NKAIN2: variants seen among roughly 807,000 people sequenced by gnomAD.
NKAIN2 encodes the protein sodium/potassium-transporting ATPase subunit beta-1-interacting protein 2.
In NKAIN2, 14 loss-of-function variants were observed where a neutral mutation model predicts 32.6. That is an observed-to-expected ratio of 0.43 (90% CI 0.28 to 0.67). The LOEUF is 0.67. NKAIN2 is among the 30% of genes least tolerant of loss of function. The pLI is 0.17. For missense variants in NKAIN2, 198 were observed against 258.3 expected, an observed-to-expected ratio of 0.77 and a Z score of 1.60; for synonymous variants, 80 against 87.2, an observed-to-expected ratio of 0.92 and a Z score of 0.46.
chr6:123,905,606 T>C (rs1317719003), intron 1 of NKAIN2, among the ~76,000 whole-genome samples: 2 of 152,146 alleles, frequency 1.3e-5, no homozygotes, highest in Non-Finnish European at 2.9e-5. Flanking sequence ...CTAGTTCTAA[T>C]GTACCTAATG....
At chr6:124,737,514 A>G (rs1289700711) in intron 4 of NKAIN2, among the ~76,000 whole-genome samples, 1 of 151,810 alleles carries the variant, frequency 6.6e-6, no homozygotes, top group Non-Finnish European at 1.5e-5. Context: ...GTAAACTGGT[A>G]CCGGGAGTGC....
chr6:124,751,529 G>A (rs534177125), intron 4 of NKAIN2, among the ~76,000 whole-genome samples: 1 of 151,944 alleles, frequency 6.6e-6, no homozygotes, highest in African/African-American at 2.4e-5. Context: ...TGAAAAATAG[G>A]GTAGTTACAG....
At chr6:124,127,797 C>G (rs939790775) in intron 1 of NKAIN2, among the ~76,000 whole-genome samples, 1 of 151,848 alleles carries the variant, frequency 6.6e-6, no homozygotes, top group Admixed American at 6.6e-5. Context: ...ACAGAAGGCC[C>G]CATCAGGAGA....
intron 1 of NKAIN2, among the ~76,000 whole-genome samples, chr6:124,060,462 G>A (rs763016642): frequency 1.3e-5 from 2 of 152,120 alleles, no homozygotes; most frequent in African/African-American, 2.4e-5. Context: ...AAAAGCACAG[G>A]TTGGGGCAGT....
intron 1 of NKAIN2, among the ~76,000 whole-genome samples, chr6:124,061,106 A>C (rs1782901725): frequency 6.6e-6 from 1 of 152,158 alleles, no homozygotes; most frequent in East Asian, 1.9e-4. Flanking sequence ...AGTATTTAGG[A>C]AATTGCTTTA....
chr6:123,870,658 G>A (rs1012678695), intron 1 of NKAIN2, among the ~76,000 whole-genome samples: 3 of 152,054 alleles, frequency 2.0e-5, no homozygotes, highest in African/African-American at 7.2e-5. Context: ...TTGTTATTTG[G>A]GAATTTAGAG....
intron 1 of NKAIN2, among the ~76,000 whole-genome samples, chr6:124,045,417 C>T (rs983521801): frequency 2.0e-5 from 3 of 151,766 alleles, no homozygotes; most frequent in Admixed American, 6.6e-5. Context: ...TTATATAGTG[C>T]GATAGAAAGA....
intron 3 of NKAIN2, among the ~76,000 whole-genome samples, chr6:124,559,621 A>G (rs998918569): frequency 2.0e-5 from 3 of 152,126 alleles, no homozygotes; most frequent in African/African-American, 7.2e-5. Context: ...TTTGGCTAAC[A>G]GAATGTAAGA....
intron 4 of NKAIN2, among the ~76,000 whole-genome samples, chr6:124,723,383 T>C (rs1275343327): frequency 6.6e-6 from 1 of 152,098 alleles, no homozygotes; most frequent in Non-Finnish European, 1.5e-5. Flanking sequence ...GGGGTGAGTA[T>C]CACATATATA....
intron 2 of NKAIN2, among the ~76,000 whole-genome samples, chr6:124,326,148 ATT>A (rs148109245): frequency 7.6e-6 from 1 of 131,904 alleles, no homozygotes; most frequent in African/African-American, 2.8e-5. Flanking sequence ...CTTCTGAAGG[ATT>A]TTTTTTTTCG....
rs576414967 is a variant in NKAIN2 at position 123,927,663 on chromosome 6, AG to A, written c.54+123414del. ...GTGACCGTCCCAAACAGTCCTATACAGGGGGATAGAGCAATTGTATTCTACA... is the reference window on the plus strand; with the variant it reads ...GTGACCGTCCCAAACAGTCCTATACAGGGGATAGAGCAATTGTATTCTACA... On this transcript the variant is annotated intron_variant, in intron 1 of 6. Coordinates refer to ENST00000368417, the MANE Select transcript of NKAIN2 (RefSeq NM_001040214.3). 3.6e-3 allele frequency among the ~76,000 whole-genome samples: 545 copies of A among 152,348 alleles called. 1 individual carries two copies. Among genetic ancestry groups the A allele is most frequent in the Non-Finnish European group, 5.5e-3 (372 of 68,024 alleles).
chr6:124,168,271 C>T (rs1039769189), intron 1 of NKAIN2, among the ~76,000 whole-genome samples: 2 of 152,120 alleles, frequency 1.3e-5, no homozygotes, highest in African/African-American at 4.8e-5. Flanking sequence ...ACCTGAAATG[C>T]ATCTGACCAG....
At chr6:123,920,063 A>G (rs1043398154) in intron 1 of NKAIN2, among the ~76,000 whole-genome samples, 5 of 152,108 alleles carry the variant, frequency 3.3e-5, no homozygotes, top group Non-Finnish European at 5.9e-5. Context: ...GTGTTCAGTT[A>G]TTGATTTTTT....
intron 1 of NKAIN2, among the ~76,000 whole-genome samples, chr6:124,102,200 CG>C (rs1784919196): frequency 6.6e-6 from 1 of 152,160 alleles, no homozygotes; most frequent in Admixed American, 6.5e-5. Context: ...TGATGTGGTG[CG>C]GGGACCACTG....
chr6:124,295,400 C>T (rs1444403364), intron 2 of NKAIN2, among the ~76,000 whole-genome samples: 2 of 152,090 alleles, frequency 1.3e-5, no homozygotes, highest in East Asian at 3.9e-4. Context: ...AGGTTTGTAG[C>T]ATAGTGTTGT....
chr6:124,249,372 G>A (rs1487239360), intron 1 of NKAIN2, among the ~76,000 whole-genome samples: 1 of 152,008 alleles, frequency 6.6e-6, no homozygotes, highest in Non-Finnish European at 1.5e-5. Flanking sequence ...AGAAGAGAGT[G>A]GGAGACAAGA....
chr6:124,170,227 T>A (rs1415235990), intron 1 of NKAIN2, among the ~76,000 whole-genome samples: 1 of 152,216 alleles, frequency 6.6e-6, no homozygotes, highest in Non-Finnish European at 1.5e-5. Flanking sequence ...CTTTTTCCAC[T>A]GCTTTATTGT....
Position 124,474,847 on chromosome 6 carries a change from A to G in NKAIN2, c.273+119500A>G, listed in dbSNP as rs984272803. Among the ~76,000 whole-genome samples the G allele has an allele frequency of 2.5e-4, 24 of 95,810 alleles. 2 individuals are homozygous for G. The highest frequency in any genetic ancestry group is 8.8e-5 in the Non-Finnish European group (4 of 45,522). The allele number at this position is 95,810 out of a possible 152,430, so 62.9% of individuals were successfully genotyped here. On this transcript the variant is annotated intron_variant, in intron 3 of 6. Transcript: ENST00000368417. ...TATATATTTTACATACATATATAATATATACATATATATTTTATATACATA... is the reference window on the plus strand; with the variant it reads ...TATATATTTTACATACATATATAATGTATACATATATATTTTATATACATA...
At chr6:123,873,874 C>T (rs979411275) in intron 1 of NKAIN2, among the ~76,000 whole-genome samples, 4 of 152,174 alleles carry the variant, frequency 2.6e-5, no homozygotes, top group African/African-American at 9.7e-5. Context: ...GGTAAATGCA[C>T]GCTGTTCATT....
Sources: gnomAD v4.1 joint callset for allele counts (sites outside exome capture counted in the v4.1 genomes callset) on GRCh38, gnomAD v4.1.1 for gene constraint, MANE v1.5 for transcripts, NCBI Gene and HGNC (gene_info 2026-07-23, HGNC 2026-07-21) for gene names.